Variants in UEVLD observed in about 807,000 individuals in gnomAD.
UEVLD encodes the protein UEV and lactate/malate dehyrogenase domains, also known as ubiquitin-conjugating enzyme E2 variant 3.
Under a neutral mutation model 58.6 loss-of-function variants are expected in UEVLD, and 47 were observed. That is an observed-to-expected ratio of 0.80 (90% confidence interval 0.63 to 1.02). UEVLD has a LOEUF of 1.02. Among genes scored for constraint, UEVLD ranks in the 50% least tolerant of loss-of-function variants. The pLI, the probability that UEVLD is intolerant of heterozygous loss-of-function variation, is 0.00. For synonymous variants in UEVLD, 197 were observed against 195.3 expected (o/e 1.01, Z -0.07); for missense variants, 510 against 550.6 (o/e 0.93, Z 0.74).
intron 11 of UEVLD, 102 bp from the exon 12 acceptor site, chr11:18,532,589 C>G (rs184651952): frequency 9.6e-7 from 1 of 1,037,358 alleles, no homozygotes; most frequent in East Asian, 3.0e-5. Context: ...CAAAGTGATA[C>G]AAGTTGGACT....
At chr11:18,537,107 G>C (rs995619996) in intron 9 of UEVLD, among the ~76,000 whole-genome samples, 3 of 151,320 alleles carry the variant, frequency 2.0e-5, no homozygotes, top group African/African-American at 7.3e-5. Context: ...CACCATGTTG[G>C]CCAGGCTGGT....
chr11:18,580,077 C>A (rs2134064494), intron 1 of UEVLD, among the ~76,000 whole-genome samples: 1 of 121,868 alleles, frequency 8.2e-6, no homozygotes, highest in Non-Finnish European at 1.6e-5. Context: ...TTTACAGTCT[C>A]TAAAATTCAT....
At chr11:18,565,804 C>T (rs564775163) in intron 5 of UEVLD, among the ~76,000 whole-genome samples, 3 of 151,084 alleles carry the variant, frequency 2.0e-5, no homozygotes, top group South Asian at 2.1e-4. Context: ...GGTGACACAG[C>T]GAGACTCCAT....
chr11:18,581,701 G>A (rs1296891112), intron 1 of UEVLD, among the ~76,000 whole-genome samples: 1 of 151,252 alleles, frequency 6.6e-6, no homozygotes, highest in Non-Finnish European at 1.5e-5. Context: ...AAGAAAATTA[G>A]GGGGAAAAGG....
At chr11:18,578,297 G>A (rs1853042035) in intron 2 of UEVLD, among the ~76,000 whole-genome samples, 1 of 152,206 alleles carries the variant, frequency 6.6e-6, no homozygotes, top group Non-Finnish European at 1.5e-5. Flanking sequence ...TGAAGATGGA[G>A]AAAGGAGACC....
chr11:18,588,348 G>A (rs1395145649), intron 1 of UEVLD, among the ~76,000 whole-genome samples: 1 of 152,194 alleles, frequency 6.6e-6, no homozygotes, highest in Non-Finnish European at 1.5e-5. Flanking sequence ...TGTGCTGGGA[G>A]CTGTTTGAGG....
intron 9 of UEVLD, 57 bp downstream of exon 9, chr11:18,544,566 A>G: frequency 1.9e-6 from 3 of 1,550,114 alleles, no homozygotes; most frequent in Non-Finnish European, 2.6e-6. Flanking sequence ...TGGCCTCCCA[A>G]AGTGTTGGAA....
chr11:18,559,658 T>TA (rs2134007374), intron 6 of UEVLD, among the ~76,000 whole-genome samples: 1 of 152,130 alleles, frequency 6.6e-6, no homozygotes, highest in Admixed American at 6.6e-5. Flanking sequence ...GTAGAAAAGT[T>TA]AAAAAAATAA....
Position 18,588,641 on chromosome 11 carries a change from C to G in UEVLD, c.14G>C (p.Cys5Ser). MEFD[C>S]EGLRRLLGKY... The stretch of plus-strand genomic sequence containing the variant: ...GCCAAGCAGCCGTCTCAGGCCCTCG[C>G]AGTCGAACTCCATCTCCAGGCCGGT... Residue 5 changes from cysteine (C) to serine (S), a missense_variant, in exon 1 of 12, where the codon TGC becomes TCC. Transcript: ENST00000396197. 5 of 1,609,992 alleles carry G rather than the reference C, an allele frequency of 3.1e-6. No homozygotes were observed. Among genetic ancestry groups the G allele is most frequent in the Non-Finnish European group, 3.4e-6 (4 of 1,179,856 alleles).
intron 6 of UEVLD, among the ~76,000 whole-genome samples, chr11:18,561,625 T>C (rs1381806741): frequency 6.6e-6 from 1 of 152,150 alleles, no homozygotes; most frequent in Admixed American, 6.6e-5. Context: ...GCAGATTGCC[T>C]GAGGTCAGGA....
At chr11:18,554,747 A>G (rs1018496161) in intron 7 of UEVLD, among the ~76,000 whole-genome samples, 1 of 152,156 alleles carries the variant, frequency 6.6e-6, no homozygotes, top group Non-Finnish European at 1.5e-5. Flanking sequence ...ATACACAAGC[A>G]TAAGTGTGTA....
chr11:18,563,103 CAAA>C (rs111514140), intron 6 of UEVLD, among the ~76,000 whole-genome samples: 2 of 119,910 alleles, frequency 1.7e-5, no homozygotes, highest in Admixed American at 8.4e-5. Context: ...TTGTGCTTAC[CAAA>C]AAAAAAAAAA....
chr11:18,549,694 C>T (rs1464802999), intron 7 of UEVLD, among the ~76,000 whole-genome samples: 1 of 152,078 alleles, frequency 6.6e-6, no homozygotes, highest in Admixed American at 6.6e-5. Flanking sequence ...GCTGGAATTA[C>T]AGGCGTAAGC....
intron 6 of UEVLD, 46 bp from the exon 7 acceptor site, chr11:18,558,376 TC>T: frequency 7.7e-7 from 1 of 1,297,628 alleles, no homozygotes. Flanking sequence ...GGCCAGTGAC[TC>T]AATTTAAATT....
intron 1 of UEVLD, among the ~76,000 whole-genome samples, chr11:18,581,513 G>A (rs570061313): frequency 3.6e-4 from 55 of 151,948 alleles, no homozygotes; most frequent in East Asian, 1.6e-3. Context: ...GTGAAATCCC[G>A]TCTCAACTAA....
At chr11:18,542,208 A>G (rs1405926552) in intron 9 of UEVLD, among the ~76,000 whole-genome samples, 1 of 152,148 alleles carries the variant, frequency 6.6e-6, no homozygotes, top group Non-Finnish European at 1.5e-5. Flanking sequence ...CACATCATTT[A>G]CCGGGTAGAC....
At chr11:18,586,834 G>A (rs1853585363) in intron 1 of UEVLD, among the ~76,000 whole-genome samples, 1 of 152,092 alleles carries the variant, frequency 6.6e-6, no homozygotes, top group Non-Finnish European at 1.5e-5. Context: ...AGCTACCCCA[G>A]CCTGGCCAAT....
chr11:18,549,605 G>C (rs376837558), intron 7 of UEVLD, among the ~76,000 whole-genome samples: 1 of 151,856 alleles, frequency 6.6e-6, no homozygotes, highest in African/African-American at 2.4e-5. Flanking sequence ...TTTTAGTAAA[G>C]ACAGAGTTTC....
At chr11:18,533,613 T>C (rs1307436449) in intron 11 of UEVLD, among the ~76,000 whole-genome samples, 1 of 152,168 alleles carries the variant, frequency 6.6e-6, no homozygotes, top group African/African-American at 2.4e-5. Context: ...TAAGAAGAAA[T>C]TTATGGATAT....
Sources: gnomAD v4.1 joint callset for allele counts (sites outside exome capture counted in the v4.1 genomes callset) on GRCh38, gnomAD v4.1.1 for gene constraint, MANE v1.5 for transcripts, NCBI Gene and HGNC (gene_info 2026-07-23, HGNC 2026-07-21) for gene names.